The following XPR1 variants were observed in gnomAD, a reference collection of about 807,000 sequenced individuals.
XPR1 encodes the protein solute carrier family 53 member 1.
Under a neutral mutation model 87.5 loss-of-function variants are expected in XPR1, and 28 were observed. The observed-to-expected ratio is 0.32, with a 90% CI of 0.24 to 0.44. The LOEUF (loss-of-function observed/expected upper bound fraction) is 0.44. Among genes scored for constraint, XPR1 ranks in the 20% least tolerant of loss-of-function variants. XPR1 has a pLI of 1.00. For missense variants in XPR1, 559 were observed against 862.3 expected, an observed-to-expected ratio of 0.65 and a Z score of 4.41; for synonymous variants, 300 against 306.1, an observed-to-expected ratio of 0.98 and a Z score of 0.21.
chr1:180,763,359 T>G (rs1237872154), intron 2 of XPR1, among the ~76,000 whole-genome samples: 3 of 152,174 alleles, frequency 2.0e-5, no homozygotes, highest in Non-Finnish European at 4.4e-5. Context: ...CTATTTTCAA[T>G]GATGATGATG....
At chr1:180,704,389 A>G (rs1199216946) in intron 2 of XPR1, among the ~76,000 whole-genome samples, 1 of 150,694 alleles carries the variant, frequency 6.6e-6, no homozygotes, top group African/African-American at 2.4e-5. Flanking sequence ...TTTATTAGCC[A>G]GAATTCTTCT....
chr1:180,638,896 GTT>G (rs1654872532), intron 1 of XPR1, among the ~76,000 whole-genome samples: 1 of 152,098 alleles, frequency 6.6e-6, no homozygotes, highest in African/African-American at 2.4e-5. Flanking sequence ...TGTAACTTAA[GTT>G]ATATTCCTTT....
At chr1:180,883,641 G>A (rs1196258836) in intron 14 of XPR1, among the ~76,000 whole-genome samples, 1 of 151,578 alleles carries the variant, frequency 6.6e-6, no homozygotes, top group Admixed American at 6.6e-5. Flanking sequence ...CCTGGGAAAC[G>A]GAGGTTGCAG....
chr1:180,669,627 G>C (rs538736570), intron 1 of XPR1, among the ~76,000 whole-genome samples: 2 of 152,248 alleles, frequency 1.3e-5, no homozygotes, highest in Admixed American at 1.3e-4. Context: ...CTCCCAAAGT[G>C]CTGGGATTAC....
chr1:180,632,276 G>A lies in XPR1; in HGVS notation c.69+6G>A, dbSNP rs1424416377. ...AGCAATACATCCAGTATGAGGTACCGGCACGGCTGGGGTGTGGGAGGACTC... is the reference window on the plus strand; with the variant it reads ...AGCAATACATCCAGTATGAGGTACCAGCACGGCTGGGGTGTGGGAGGACTC... On this transcript the variant is annotated splice_donor_region_variant and intron_variant, in intron 1 of 14. Coordinates refer to ENST00000367590, the MANE Select transcript of XPR1 (RefSeq NM_004736.4). 7 of 1,610,482 alleles carry A rather than the reference G, an allele frequency of 4.3e-6. No individual in the cohort carries two copies. Among genetic ancestry groups the A allele is most frequent in the South Asian group, 1.1e-5 (1 of 90,486 alleles).
At chr1:180,741,062 A>T (rs1349894289) in intron 2 of XPR1, among the ~76,000 whole-genome samples, 1 of 152,238 alleles carries the variant, frequency 6.6e-6, no homozygotes, top group African/African-American at 2.4e-5. Context: ...AGGGTGACAC[A>T]TTCAATCTAT....
chr1:180,810,653 C>T (rs1359103264), intron 6 of XPR1, among the ~76,000 whole-genome samples: 2 of 151,822 alleles, frequency 1.3e-5, no homozygotes, highest in African/African-American at 4.8e-5. Flanking sequence ...TCTCCGTCAT[C>T]GTCTCTAATT....
intron 2 of XPR1, among the ~76,000 whole-genome samples, chr1:180,753,975 C>T (rs1312076781): frequency 6.6e-6 from 1 of 152,216 alleles, no homozygotes; most frequent in African/African-American, 2.4e-5. Context: ...TCTGCTCTTA[C>T]ATCTTTGCAA....
rs1557941333 is a variant in XPR1 at position 180,656,431 on chromosome 1, A to ACATTATATATAATATT, written c.69+24161_69+24162insCATTATATATAATATT. 6.4e-3 allele frequency among the ~76,000 whole-genome samples: 271 copies of ACATTATATATAATATT among 42,248 alleles called. 7 individuals are homozygous for ACATTATATATAATATT. Among genetic ancestry groups the ACATTATATATAATATT allele is most frequent in the African/African-American group, 8.0e-3 (89 of 11,104 alleles). 27.7% of individuals were successfully genotyped at this position (42,248 alleles called of 152,430 possible). On this transcript the variant is annotated intron_variant, in intron 1 of 14. Coordinates refer to ENST00000367590, the MANE Select transcript of XPR1 (RefSeq NM_004736.4). ...TATATATTTATATATAAATATTTAT[A>ACATTATATATAATATT]TATTTATATATAAATATTTATATAT...
chr1:180,744,066 G>A (rs538911082), intron 2 of XPR1, among the ~76,000 whole-genome samples: 116 of 152,254 alleles, frequency 7.6e-4, no homozygotes, highest in African/African-American at 2.8e-3. Context: ...TTTATGTACT[G>A]CATTCTATTT....
intron 2 of XPR1, among the ~76,000 whole-genome samples, chr1:180,693,436 G>A (rs966239268): frequency 1.3e-5 from 2 of 152,192 alleles, no homozygotes; most frequent in African/African-American, 4.8e-5. Context: ...ATTTGGAGTA[G>A]CATTGACTTC....
intron 2 of XPR1, among the ~76,000 whole-genome samples, chr1:180,750,910 C>T (rs1647507484): frequency 6.6e-6 from 1 of 151,934 alleles, no homozygotes; most frequent in African/African-American, 2.4e-5. Context: ...TTTAGGTCTT[C>T]TTTAGTTTGT....
chr1:180,662,879 A>AT (rs1249736734), intron 1 of XPR1, among the ~76,000 whole-genome samples: 1 of 150,932 alleles, frequency 6.6e-6, no homozygotes. Flanking sequence ...TAAGCTCACT[A>AT]TTTTTTTTGC....
intron 2 of XPR1, among the ~76,000 whole-genome samples, chr1:180,787,517 G>C (rs1030461997): frequency 1.3e-5 from 2 of 152,112 alleles, no homozygotes; most frequent in Admixed American, 6.5e-5. Flanking sequence ...GACTTCAAGT[G>C]ATCTGCCCGC....
At chr1:180,784,714 C>G (rs12079983) in intron 2 of XPR1, among the ~76,000 whole-genome samples, 7,252 of 151,930 alleles carry the variant, frequency 0.048, 599 homozygotes, top group African/African-American at 0.16. Context: ...ATGGCTGGTT[C>G]ACCCAGCCCT....
chr1:180,708,230 GTT>G (rs1657625033), intron 2 of XPR1, among the ~76,000 whole-genome samples: 1 of 152,152 alleles, frequency 6.6e-6, no homozygotes, highest in Admixed American at 6.5e-5. Context: ...TTTGCCTACT[GTT>G]TTTGTGGATA....
At chr1:180,702,525 G>T (rs1657379985) in intron 2 of XPR1, among the ~76,000 whole-genome samples, 2 of 152,108 alleles carry the variant, frequency 1.3e-5, no homozygotes, top group South Asian at 2.1e-4. Context: ...TATTTAAAAA[G>T]ACTTGTCTTC....
At chr1:180,816,291 G>C (rs904415373) in intron 7 of XPR1, among the ~76,000 whole-genome samples, 2 of 152,190 alleles carry the variant, frequency 1.3e-5, no homozygotes, top group South Asian at 4.1e-4. Flanking sequence ...CCCATGCGCA[G>C]CTCACAATAG....
chr1:180,734,831 T>C (rs1287863204), intron 2 of XPR1, among the ~76,000 whole-genome samples: 4 of 151,866 alleles, frequency 2.6e-5, no homozygotes, highest in South Asian at 2.1e-4. Flanking sequence ...GAACTATGAG[T>C]GGTCAGGATT....
Sources: gnomAD v4.1 joint callset for allele counts (sites outside exome capture counted in the v4.1 genomes callset) on GRCh38, gnomAD v4.1.1 for gene constraint, MANE v1.5 for transcripts, NCBI Gene and HGNC (gene_info 2026-07-23, HGNC 2026-07-21) for gene names.